The following HACD1 variants were observed in gnomAD, a reference collection of about 807,000 sequenced individuals.
The protein encoded by HACD1 is 3-hydroxyacyl-CoA dehydratase 1.
In HACD1, 41 loss-of-function variants were observed where a neutral mutation model predicts 32.0. The observed-to-expected ratio is 1.28, with a 90% confidence interval of 1.00 to 1.66. The LOEUF is 1.66. HACD1 is among the 40% of genes most tolerant of loss of function. The pLI, the probability that HACD1 is intolerant of heterozygous loss-of-function variation, is 0.00. For synonymous variants in HACD1, 142 were observed against 139.0 expected, an observed-to-expected ratio of 1.02 and a Z score of -0.15; for missense variants, 396 against 380.1, an observed-to-expected ratio of 1.04 and a Z score of -0.35.
At chr10:17,595,973 G>A (rs1434384433) in intron 5 of HACD1, among the ~76,000 whole-genome samples, 1 of 151,906 alleles carries the variant, frequency 6.6e-6, no homozygotes, top group East Asian at 1.9e-4. Flanking sequence ...GTGACACAGC[G>A]AGACCCTGTC....
chr10:17,606,411 A>G (rs1291772508), intron 1 of HACD1, among the ~76,000 whole-genome samples: 2 of 152,204 alleles, frequency 1.3e-5, no homozygotes. Flanking sequence ...GTTTAAGTTT[A>G]AGCAACTTAC....
intron 5 of HACD1, 109 bp downstream of exon 5, chr10:17,599,181 C>G: frequency 6.6e-7 from 1 of 1,512,604 alleles, no homozygotes; most frequent in Non-Finnish European, 8.8e-7. Context: ...CCTCCTATAA[C>G]AGCATTCTGG....
intron 1 of HACD1, among the ~76,000 whole-genome samples, chr10:17,606,348 T>C (rs1834148625): frequency 6.6e-6 from 1 of 152,220 alleles, no homozygotes; most frequent in African/African-American, 2.4e-5. Context: ...CTTCCTAAAG[T>C]CACCAATAAG....
Position 17,590,101 on chromosome 10 carries a change from T to C in HACD1, c.*263A>G, listed in dbSNP as rs1337968141. The C allele has an allele frequency of 4.3e-6, 1 of 231,134 alleles. No homozygotes were observed. The highest frequency in any genetic ancestry group is 8.3e-6 in the Non-Finnish European group (1 of 120,222). 14.3% of individuals were successfully genotyped at this position (231,134 alleles called of 1,614,324 possible). On this transcript the variant is annotated 3_prime_UTR_variant, in exon 7 of 7. Transcript: ENST00000361271. ...TTCAAAAAAAACTTAGCAAAAGTTTTTTTTTCCCCCAGATAATACACCTAA... is the reference window on the plus strand; with the variant it reads ...TTCAAAAAAAACTTAGCAAAAGTTTCTTTTTCCCCCAGATAATACACCTAA...
At chr10:17,596,306 C>G (rs1233485431) in intron 5 of HACD1, among the ~76,000 whole-genome samples, 2 of 152,164 alleles carry the variant, frequency 1.3e-5, no homozygotes, top group Non-Finnish European at 2.9e-5. Flanking sequence ...CCTTCTTGGC[C>G]TTGGAGAAAC....
intron 6 of HACD1, among the ~76,000 whole-genome samples, chr10:17,593,436 C>T (rs1323249057): frequency 6.6e-6 from 1 of 152,140 alleles, no homozygotes; most frequent in East Asian, 1.9e-4. Flanking sequence ...CTGCCTCAGC[C>T]TCCTGAGTAG....
At chr10:17,615,253 TCTGA>T (rs1833057835) in intron 1 of HACD1, among the ~76,000 whole-genome samples, 1 of 152,354 alleles carries the variant, frequency 6.6e-6, no homozygotes, top group East Asian at 1.9e-4. Flanking sequence ...GAAACCCATG[TCTGA>T]CTGACACTTG....
intron 5 of HACD1, among the ~76,000 whole-genome samples, chr10:17,594,857 T>G (rs1223059748): frequency 2.0e-5 from 3 of 148,630 alleles, no homozygotes; most frequent in African/African-American, 7.6e-5. Flanking sequence ...GTTTTTTTTT[T>G]TTGTTTTTTG....
chr10:17,617,307 G>A lies in HACD1; in HGVS notation c.33C>T (p.Gly11=). 6.9e-7 allele frequency: 1 copy of A among 1,442,716 alleles called. No homozygotes were observed. The highest frequency in any genetic ancestry group is 9.1e-7 in the Non-Finnish European group (1 of 1,104,020). The allele number at this position is 1,442,716 out of a possible 1,614,324, so 89.4% of individuals were successfully genotyped here. A position where few individuals can be genotyped will look rare whatever the true frequency, so the allele number is the denominator to read the frequency against. Residue 11 remains glycine, a synonymous_variant, in exon 1 of 7, where the codon GGC becomes GGT. Transcript: ENST00000361271. Reference sequence around the variant, plus strand: ...CCCAGCCTGCAGCCCGAGAGCCGCTGCCCGCTGCCGCCGCTTCCGTCAGGC... The same window carrying A: ...CCCAGCCTGCAGCCCGAGAGCCGCTACCCGCTGCCGCCGCTTCCGTCAGGC... The part of the protein sequence containing the change: MGRLTEAAAA[G]SGSRAAGWAG...
chr10:17,597,386 C>G (rs1282761555), intron 5 of HACD1, among the ~76,000 whole-genome samples: 1 of 152,202 alleles, frequency 6.6e-6, no homozygotes, highest in African/African-American at 2.4e-5. Context: ...GATCCGCCCA[C>G]CTTGGCCTCC....
At chr10:17,605,341 A>G (rs1430913477) in intron 1 of HACD1, among the ~76,000 whole-genome samples, 4 of 152,024 alleles carry the variant, frequency 2.6e-5, no homozygotes, top group African/African-American at 7.2e-5. Flanking sequence ...TCTGGCCAAC[A>G]TGGTGAAACC....
chr10:17,616,979 C>G, intron 1 of HACD1, 104 bp downstream of exon 1: 1 of 1,206,954 alleles, frequency 8.3e-7, no homozygotes, highest in South Asian at 2.9e-5. Flanking sequence ...GGCCGCTGCC[C>G]GCACCCCCCG....
At chr10:17,601,158 C>T (rs539305227) in intron 4 of HACD1, among the ~76,000 whole-genome samples, 3 of 152,104 alleles carry the variant, frequency 2.0e-5, no homozygotes, top group African/African-American at 7.2e-5. Context: ...CTCAGCCTCC[C>T]GAGTAGCTGG....
intron 1 of HACD1, among the ~76,000 whole-genome samples, chr10:17,615,248 C>A (rs1451102374): frequency 6.6e-6 from 1 of 152,136 alleles, no homozygotes; most frequent in Non-Finnish European, 1.5e-5. Context: ...GGGTTGAAAC[C>A]CATGTCTGAC....
At chr10:17,592,796 C>T (rs1448705608) in intron 6 of HACD1, among the ~76,000 whole-genome samples, 1 of 152,178 alleles carries the variant, frequency 6.6e-6, no homozygotes, top group African/African-American at 2.4e-5. Flanking sequence ...CTTAGCTCTC[C>T]CGAACTGGCT....
chr10:17,606,667 GA>G (rs1834153444), intron 1 of HACD1, among the ~76,000 whole-genome samples: 1 of 152,160 alleles, frequency 6.6e-6, no homozygotes, highest in Non-Finnish European at 1.5e-5. Flanking sequence ...TAAGATGGCA[GA>G]ATGACACTTC....
In HACD1 at chr10:17,611,792, C is replaced by T. The variant is rs190645285; in HGVS notation, c.257+5291G>A. On this transcript the variant is annotated intron_variant, in intron 1 of 6. Transcript: ENST00000361271. ...CCATCCTGGCTAACACGGTGAAACCCCGTCTCTACTAAAAATACAAAAAAA... is the reference window on the plus strand; with the variant it reads ...CCATCCTGGCTAACACGGTGAAACCTCGTCTCTACTAAAAATACAAAAAAA... 4.5e-3 allele frequency among the ~76,000 whole-genome samples: 689 copies of T among 152,146 alleles called. 2 individuals are homozygous for T. Among genetic ancestry groups the T allele is most frequent in the African/African-American group, 0.015 (630 of 41,518 alleles).
In HACD1 at chr10:17,613,595, T is replaced by C. The variant is rs1230273764; in HGVS notation, c.257+3488A>G. 2.0e-5 allele frequency among the ~76,000 whole-genome samples: 3 copies of C among 152,210 alleles called. No individual in the cohort carries two copies. In the East Asian group the frequency reaches 5.8e-4, roughly 29 times the overall value. ...CAAATCTCACCGCCTCTAGAAAGCATCTGAAGAGTCAGTTACAGAGATTAT... is the reference window on the plus strand; with the variant it reads ...CAAATCTCACCGCCTCTAGAAAGCACCTGAAGAGTCAGTTACAGAGATTAT... On this transcript the variant is annotated intron_variant, in intron 1 of 6. Coordinates refer to ENST00000361271, the MANE Select transcript of HACD1 (RefSeq NM_014241.4).
intron 1 of HACD1, 27 bp from the exon 2 acceptor site, chr10:17,604,074 T>G: frequency 6.9e-7 from 1 of 1,446,628 alleles, no homozygotes; most frequent in Non-Finnish European, 9.4e-7. Context: ...TTTCATAAAG[T>G]TCTTTCGAAC....
Sources: allele counts gnomAD v4.1 joint callset (sites outside exome capture counted in the v4.1 genomes callset), GRCh38; gene constraint gnomAD v4.1.1; transcripts MANE v1.5; gene names NCBI Gene and HGNC (gene_info 2026-07-23, HGNC 2026-07-21).